MMP16: variants seen among roughly 807,000 people sequenced by gnomAD.
MMP16 encodes matrix metallopeptidase 16.
A neutral mutation model predicts 67.8 loss-of-function variants in MMP16; 12 were observed. The observed-to-expected ratio is 0.18, with a 90% CI of 0.11 to 0.29. The LOEUF (loss-of-function observed/expected upper bound fraction) is 0.29, where lower values mean the gene tolerates loss of function less well. Ranked by LOEUF, MMP16 falls within the 10% of genes least tolerant of loss-of-function variation. MMP16 has a pLI of 1.00. For missense variants in MMP16, 475 were observed against 765.7 expected, an observed-to-expected ratio of 0.62 and a Z score of 4.48; for synonymous variants, 249 against 255.9, an observed-to-expected ratio of 0.97 and a Z score of 0.26.
intron 4 of MMP16, among the ~76,000 whole-genome samples, chr8:88,147,089 T>C (rs1357832344): frequency 1.3e-5 from 2 of 152,042 alleles, no homozygotes; most frequent in Non-Finnish European, 2.9e-5. Context: ...TTGTGGTTAC[T>C]GATATGTTTG....
intron 5 of MMP16, among the ~76,000 whole-genome samples, chr8:88,117,157 G>A (rs896017196): frequency 3.9e-5 from 6 of 152,024 alleles, no homozygotes; most frequent in South Asian, 2.1e-4. Context: ...AAAGATAAAC[G>A]TTAACTAAGC....
chr8:88,165,178 T>TAAAA (rs11325157), intron 4 of MMP16, among the ~76,000 whole-genome samples: 76 of 94,986 alleles, frequency 8.0e-4, no homozygotes, highest in East Asian at 1.8e-3. Flanking sequence ...ACCCCATCTC[T>TAAAA]AAAAAAAAAA....
intron 6 of MMP16, among the ~76,000 whole-genome samples, chr8:88,082,422 C>CAAATT (rs1808767268): frequency 1.3e-5 from 2 of 151,968 alleles, no homozygotes; most frequent in Admixed American, 1.3e-4. Flanking sequence ...CTCTGTCAAT[C>CAAATT]CACTTCAAAT....
At chr8:88,095,430 T>A (rs990757548) in intron 6 of MMP16, among the ~76,000 whole-genome samples, 2 of 151,810 alleles carry the variant, frequency 1.3e-5, no homozygotes, top group Non-Finnish European at 2.9e-5. Flanking sequence ...CATGTCTTAC[T>A]TCCCCATCCG....
chr8:88,187,780 A>C (rs560473547), intron 2 of MMP16, among the ~76,000 whole-genome samples: 31 of 152,338 alleles, frequency 2.0e-4, no homozygotes, highest in Non-Finnish European at 4.4e-4. Context: ...AGAAAACATT[A>C]AAAGATTCTG....
chr8:88,297,346 A>C (rs1169502466), intron 1 of MMP16, among the ~76,000 whole-genome samples: 1 of 152,198 alleles, frequency 6.6e-6, no homozygotes. Flanking sequence ...CCCCAAACTC[A>C]AACGACTTCT....
chr8:88,282,197 C>T (rs1431132537), intron 1 of MMP16, among the ~76,000 whole-genome samples: 4 of 151,102 alleles, frequency 2.6e-5, no homozygotes, highest in African/African-American at 9.8e-5. Flanking sequence ...GCCTCAGTTT[C>T]CTGAGTAGCT....
In MMP16 at chr8:88,171,390, G is replaced by A. The variant is rs1363076111; in HGVS notation, c.405-3417C>T. On this transcript the variant is annotated intron_variant, in intron 3 of 9. Transcript: ENST00000286614. Reference sequence around the variant, plus strand: ...AGGTTATGGATGCTGATGACACTGGGCCTAGGTTGAATCTGGGAAGTCAGT... The same window carrying A: ...AGGTTATGGATGCTGATGACACTGGACCTAGGTTGAATCTGGGAAGTCAGT... Among the ~76,000 whole-genome samples, 3 of 152,186 alleles carry A rather than the reference G, an allele frequency of 2.0e-5. No homozygotes were observed. In the South Asian group the frequency reaches 6.2e-4, roughly 32 times the overall value.
chr8:88,192,425 GC>G (rs1368613762), intron 2 of MMP16, among the ~76,000 whole-genome samples: 3 of 152,166 alleles, frequency 2.0e-5, no homozygotes, highest in African/African-American at 7.2e-5. Context: ...TTCAGTGTTA[GC>G]TCTAACCAAT....
chr8:88,070,715 T>C (rs1010229930), intron 7 of MMP16, among the ~76,000 whole-genome samples: 5 of 152,238 alleles, frequency 3.3e-5, no homozygotes, highest in Admixed American at 2.0e-4. Context: ...CCGCAGCCTG[T>C]AAATTATTCA....
At chr8:88,232,153 C>T (rs995364191) in intron 1 of MMP16, among the ~76,000 whole-genome samples, 2 of 152,126 alleles carry the variant, frequency 1.3e-5, no homozygotes, top group Admixed American at 6.6e-5. Flanking sequence ...TGGTCATCCT[C>T]ATCAATTTAA....
chr8:88,105,979 T>A (rs1273025613), intron 6 of MMP16, among the ~76,000 whole-genome samples: 1 of 150,406 alleles, frequency 6.6e-6, no homozygotes, highest in South Asian at 2.1e-4. Context: ...TATTTATAAA[T>A]CTATTTGTAT....
intron 1 of MMP16, among the ~76,000 whole-genome samples, chr8:88,275,742 A>G (rs1184973599): frequency 6.6e-6 from 1 of 151,994 alleles, no homozygotes; most frequent in Non-Finnish European, 1.5e-5. Context: ...AATAAACTAC[A>G]TCATGGGCTA....
intron 6 of MMP16, among the ~76,000 whole-genome samples, chr8:88,091,271 T>C (rs1176313824): frequency 6.6e-6 from 1 of 151,846 alleles, no homozygotes; most frequent in Non-Finnish European, 1.5e-5. Context: ...ATAATACCTA[T>C]TTTCCCCCAA....
At chr8:88,220,135 G>A in intron 1 of MMP16, among the ~76,000 whole-genome samples, 1 of 152,074 alleles carries the variant, frequency 6.6e-6, no homozygotes, top group Middle Eastern at 3.4e-3. Context: ...TTAATATATA[G>A]AAATTCTTAA....
chr8:88,289,133 C>G (rs202027864), intron 1 of MMP16, among the ~76,000 whole-genome samples: 1 of 149,030 alleles, frequency 6.7e-6, no homozygotes, highest in Non-Finnish European at 1.5e-5. Context: ...GAGACAGAGA[C>G]AGAGAGAGAG....
At chr8:88,323,420 GTTA>G in intron 1 of MMP16, among the ~76,000 whole-genome samples, 1 of 152,152 alleles carries the variant, frequency 6.6e-6, no homozygotes, top group African/African-American at 2.4e-5. Flanking sequence ...TTAGGAAATA[GTTA>G]TACTCAATTC....
intron 1 of MMP16, among the ~76,000 whole-genome samples, chr8:88,291,577 G>A (rs1057384580): frequency 5.3e-5 from 8 of 152,038 alleles, no homozygotes; most frequent in South Asian, 4.1e-4. Flanking sequence ...GTCTTCAAGC[G>A]GGAAAAGAAA....
At chr8:88,257,177 G>T (rs1164758067) in intron 1 of MMP16, among the ~76,000 whole-genome samples, 4 of 152,150 alleles carry the variant, frequency 2.6e-5, no homozygotes, top group Non-Finnish European at 4.4e-5. Flanking sequence ...AGCAAGTCGG[G>T]TTTATATTTA....
Sources: allele counts gnomAD v4.1 joint callset (sites outside exome capture counted in the v4.1 genomes callset), GRCh38; gene constraint gnomAD v4.1.1; transcripts MANE v1.5; gene names NCBI Gene and HGNC (gene_info 2026-07-23, HGNC 2026-07-21).